The following KCNQ1OT1 variants were observed in gnomAD, a reference collection of about 807,000 sequenced individuals.
KCNQ1OT1 encodes KCNQ1 antisense RNA 2 (non-protein coding).
exon 1 of KCNQ1OT1, chr11:2,648,184 G>T: frequency 2.9e-6 from 1 of 341,528 alleles, no homozygotes; most frequent in Middle Eastern, 7.4e-4. Context: ...TAGCCTGGGT[G>T]ACAGAGTGAG....
Position 2,642,753 on chromosome 11 carries a change from T to C in KCNQ1OT1, n.57242A>G, listed in dbSNP as rs1390513202. 1 of 397,780 alleles carries C rather than the reference T, an allele frequency of 2.5e-6. No individual in the cohort carries two copies. The highest frequency in any genetic ancestry group is 4.4e-6 in the Non-Finnish European group (1 of 225,666). The allele number at this position is 397,780 out of a possible 1,614,324, so 24.6% of individuals were successfully genotyped here. ...TTTTCTGGTTCCTTCAGGTGTATCA[T>C]TAGATTATTTAAGATCTTTTCTACC... On this transcript the variant is annotated non_coding_transcript_exon_variant, in exon 1 of 1. Transcript: ENST00000597346. The surrounding 1 kb of genome is among the most constrained non-coding windows in gnomAD (Gnocchi z 4.3).
chr11:2,658,729 A>G lies in KCNQ1OT1; in HGVS notation n.41266T>C, dbSNP rs1225440274. 2.5e-6 allele frequency: 1 copy of G among 398,420 alleles called. No homozygotes were observed. Among genetic ancestry groups the G allele is most frequent in the East Asian group, 3.6e-5 (1 of 28,082 alleles). 24.7% of individuals were successfully genotyped at this position (398,420 alleles called of 1,614,324 possible). On this transcript the variant is annotated non_coding_transcript_exon_variant, in exon 1 of 1. Transcript: ENST00000597346. This position sits in a 1 kb window ranked among gnomAD's most constrained non-coding sequence, Gnocchi z 4.9. ...AACCTGAGTACACATACATCTTTAC[A>G]TATCTGTATCTATATAAAGCTAACC...
chr11:2,665,491 C>T (rs1850050888), exon 1 of KCNQ1OT1: 2 of 395,626 alleles, frequency 5.1e-6, no homozygotes, highest in African/African-American at 2.1e-5. Context: ...TGCCTGTGTG[C>T]ATCCCTGTGC....
At chr11:2,675,979 C>T (rs1340442169) in exon 1 of KCNQ1OT1, 1 of 398,664 alleles carries the variant, frequency 2.5e-6, no homozygotes. Flanking sequence ...AAAAATAACA[C>T]TCTCCCCACC....
At chr11:2,630,315 T>C (rs1564838803) in exon 1 of KCNQ1OT1, 2 of 398,214 alleles carry the variant, frequency 5.0e-6, no homozygotes, top group South Asian at 1.3e-4. Flanking sequence ...AGTTTGATCA[T>C]ATTTTGTTGA....
Position 2,687,963 on chromosome 11 carries a change from C to A in KCNQ1OT1, n.12032G>T. 2.5e-6 allele frequency: 1 copy of A among 398,794 alleles called. No homozygotes were observed. Among genetic ancestry groups the A allele is most frequent in the Non-Finnish European group, 4.4e-6 (1 of 226,178 alleles). The allele number at this position is 398,794 out of a possible 1,614,324, so 24.7% of individuals were successfully genotyped here. A position where few individuals can be genotyped will look rare whatever the true frequency, so the allele number is the denominator to read the frequency against. ...CACCCGCTGTGGGTCAGCCAGGCCG[C>A]TGCTTCCTGCTTCCCTTTGATGTCT... On this transcript the variant is annotated non_coding_transcript_exon_variant, in exon 1 of 1. Coordinates refer to ENST00000597346, the Ensembl canonical transcript of KCNQ1OT1. The surrounding 1 kb of genome is among the most constrained non-coding windows in gnomAD (Gnocchi z 5.0).
exon 1 of KCNQ1OT1, chr11:2,614,170 C>G (rs1589982137): frequency 2.5e-6 from 1 of 398,510 alleles, no homozygotes; most frequent in Non-Finnish European, 4.4e-6. Flanking sequence ...CGAATCTACC[C>G]CCAAGAGGTG....
At position 2,691,303 on chromosome 11, in the gene KCNQ1OT1, G is replaced by A. The variant is rs1188820457; in HGVS notation, n.8692C>T. ...GAAGGAGAGCTGACAAGAAAAAGGC[G>A]ATGTCTCACCCCTGAGCTACAATCC... is the stretch of plus-strand genomic sequence containing the variant. On this transcript the variant is annotated non_coding_transcript_exon_variant, in exon 1 of 1. Transcript: ENST00000597346. The surrounding 1 kb of genome is among the most constrained non-coding windows in gnomAD (Gnocchi z 6.4). 1.0e-5 allele frequency: 4 copies of A among 398,482 alleles called. No individual in the cohort carries two copies. The highest frequency in any genetic ancestry group is 6.2e-4 in the Middle Eastern group (1 of 1,610). 24.7% of individuals were successfully genotyped at this position (398,482 alleles called of 1,614,324 possible).
At chr11:2,694,385 G>A (rs183176718) in exon 1 of KCNQ1OT1, 1 of 398,650 alleles carries the variant, frequency 2.5e-6, no homozygotes, top group African/African-American at 2.1e-5. Context: ...TCATGACTAT[G>A]GGAGAATTAC....
exon 1 of KCNQ1OT1, chr11:2,616,274 C>T: frequency 2.5e-6 from 1 of 396,058 alleles, no homozygotes; most frequent in East Asian, 3.6e-5. Flanking sequence ...ATATGTGCAA[C>T]TTCTCTAATT....
At chr11:2,619,339 G>A in exon 1 of KCNQ1OT1, 1 of 398,456 alleles carries the variant, frequency 2.5e-6, no homozygotes, top group Non-Finnish European at 4.4e-6. Context: ...GTTATATTGA[G>A]GAGTGTTCCT....
At chr11:2,693,795 A>C in exon 1 of KCNQ1OT1, 1 of 398,780 alleles carries the variant, frequency 2.5e-6, no homozygotes, top group Non-Finnish European at 4.4e-6. Context: ...TCAGAGGAGC[A>C]TGGCACAGGC....
At chr11:2,699,724 G>T in exon 1 of KCNQ1OT1, 1 of 332,224 alleles carries the variant, frequency 3.0e-6, no homozygotes, top group Non-Finnish European at 5.2e-6. Flanking sequence ...AGGAGTCCCC[G>T]GGGAGAACTG....
rs953204231 is a variant in KCNQ1OT1, at chr11:2,687,817, C to A, written n.12178G>T. 2.0e-5 allele frequency: 8 copies of A among 398,634 alleles called. No homozygotes were observed. The highest frequency in any genetic ancestry group is 3.5e-5 in the Non-Finnish European group (8 of 226,174). 24.7% of individuals were successfully genotyped at this position (398,634 alleles called of 1,614,324 possible). A position where few individuals can be genotyped will look rare whatever the true frequency, so the allele number is the denominator to read the frequency against. ...CACCCAGCCTGGCCCCCCTCCTCTGCCCCAACTGGCTCCAGGCCAAACTCT... is the reference window on the plus strand; with the variant it reads ...CACCCAGCCTGGCCCCCCTCCTCTGACCCAACTGGCTCCAGGCCAAACTCT... On this transcript the variant is annotated non_coding_transcript_exon_variant, in exon 1 of 1. Coordinates refer to ENST00000597346, the Ensembl canonical transcript of KCNQ1OT1. This position sits in a 1 kb window ranked among gnomAD's most constrained non-coding sequence, Gnocchi z 5.0.
In KCNQ1OT1 at chr11:2,659,673, A is replaced by T; in HGVS notation, n.40322T>A. ...GTTTAACTTAATAAGAAATTGCTAA[A>T]CTATTTCCTAAAGTCACTGTGCCAT... On this transcript the variant is annotated non_coding_transcript_exon_variant, in exon 1 of 1. Transcript: ENST00000597346. The surrounding 1 kb of genome is among the most constrained non-coding windows in gnomAD (Gnocchi z 4.3). 2.5e-6 allele frequency: 1 copy of T among 398,508 alleles called. No individual in the cohort carries two copies. Among genetic ancestry groups the T allele is most frequent in the Non-Finnish European group, 4.4e-6 (1 of 226,014 alleles). 24.7% of individuals were successfully genotyped at this position (398,508 alleles called of 1,614,324 possible).
Position 2,651,102 on chromosome 11 carries a change from C to T in KCNQ1OT1, n.48893G>A. 1 of 398,702 alleles carries T rather than the reference C, an allele frequency of 2.5e-6. No individual in the cohort carries two copies. Among genetic ancestry groups the T allele is most frequent in the African/African-American group, 2.1e-5 (1 of 48,758 alleles). The allele number at this position is 398,702 out of a possible 1,614,324, so 24.7% of individuals were successfully genotyped here. A position where few individuals can be genotyped will look rare whatever the true frequency, so the allele number is the denominator to read the frequency against. On this transcript the variant is annotated non_coding_transcript_exon_variant, in exon 1 of 1. Transcript: ENST00000597346. This position sits in a 1 kb window ranked among gnomAD's most constrained non-coding sequence, Gnocchi z 6.1. ...ACTGGTCTCTTGATTTCCACTCTTG[C>T]TTCCTGTACTCCATTCTTCACATAA...
At chr11:2,667,601 G>T (rs566395407) in exon 1 of KCNQ1OT1, 2 of 398,514 alleles carry the variant, frequency 5.0e-6, no homozygotes, top group Admixed American at 4.4e-5. Context: ...TTGGGCGGGG[G>T]GCACATCCCA....
exon 1 of KCNQ1OT1, chr11:2,665,976 A>AAGCC (rs1850059852): frequency 7.5e-6 from 3 of 398,514 alleles, no homozygotes. Flanking sequence ...CCCAACTGCC[A>AAGCC]AGCCAGCCAG....
chr11:2,680,092 A>G (rs1850365603), exon 1 of KCNQ1OT1: 2 of 395,014 alleles, frequency 5.1e-6, no homozygotes, highest in Non-Finnish European at 4.4e-6. Flanking sequence ...GGGTTTCACC[A>G]TGTTGGCCAG....
Sources: allele counts gnomAD v4.1 joint callset, GRCh38; gene constraint gnomAD v4.1.1; non-coding constraint Gnocchi (gnomAD v3.1); transcripts MANE v1.5; gene names NCBI Gene and HGNC (gene_info 2026-07-23, HGNC 2026-07-21).